TTF2: variants seen among roughly 807,000 people sequenced by gnomAD.
TTF2 encodes the protein transcription termination factor 2.
Under a neutral mutation model 142.4 loss-of-function variants are expected in TTF2, and 108 were observed. The ratio of observed to expected loss-of-function variants is 0.76; its 90% CI spans 0.65 to 0.89. The LOEUF (loss-of-function observed/expected upper bound fraction) is 0.89, where lower values mean the gene tolerates loss of function less well. Among genes scored for constraint, TTF2 ranks in the 40% least tolerant of loss-of-function variants. TTF2 has a pLI of 0.00. For synonymous variants in TTF2, 483 were observed against 506.2 expected, an observed-to-expected ratio of 0.95 and a Z score of 0.61; for missense variants, 1,327 against 1,379.8, an observed-to-expected ratio of 0.96 and a Z score of 0.61.
intron 3 of TTF2, among the ~76,000 whole-genome samples, chr1:117,071,366 A>G (rs1028358451): frequency 6.6e-6 from 1 of 152,210 alleles, no homozygotes; most frequent in Non-Finnish European, 1.5e-5. Flanking sequence ...ATGTTATTAT[A>G]GAAAAATTTT....
At position 117,106,640 on chromosome 1, in the gene TTF2, G is replaced by A. The variant is rs973254147; in HGVS notation, c.*5116G>A. ...TCAGCCATGATGCTGAGTGCTACAA[G>A]AGAGGACTGTGCGGCTGGGAGGGCT... is the stretch of plus-strand genomic sequence containing the variant. On this transcript the variant is annotated 3_prime_UTR_variant, in exon 23 of 23. Transcript: ENST00000369466. 1.3e-5 allele frequency: 2 copies of A among 152,272 alleles called. No individual in the cohort carries two copies. Among genetic ancestry groups the A allele is most frequent in the African/African-American group, 4.8e-5 (2 of 41,466 alleles). 9.4% of individuals were successfully genotyped at this position (152,272 alleles called of 1,614,324 possible). A position where few individuals can be genotyped will look rare whatever the true frequency, so the allele number is the denominator to read the frequency against.
At position 117,092,743 on chromosome 1, in the gene TTF2, A is replaced by G. The variant is rs752226907; in HGVS notation, c.2818A>G (p.Met940Val). The G allele has an allele frequency of 4.3e-6, 7 of 1,614,018 alleles. No individual in the cohort carries two copies. The highest frequency in any genetic ancestry group is 3.3e-5 in the South Asian group (3 of 91,054). The change falls in exon 18 of 23, where the codon ATG becomes GTG. Residue 940 changes from methionine (M) to valine (V), a missense_variant. Transcript: ENST00000369466. The surrounding 1 kb of genome is among the most constrained non-coding windows in gnomAD (Gnocchi z 4.4). ...TTTGTCTGTTCAGGCCCTGGATCCA[A>G]TGGAACTGAAGGGTGAAGGTCTTGT... ...LSLLKSALDP[M>V]ELKGEGLVLS...
chr1:117,068,705 C>G (rs1656351980), intron 3 of TTF2, among the ~76,000 whole-genome samples: 1 of 152,104 alleles, frequency 6.6e-6, no homozygotes, highest in South Asian at 2.1e-4. Flanking sequence ...ATTATCTAGC[C>G]CTAGTATAGT....
chr1:117,086,672 C>G lies in TTF2; in HGVS notation c.2160+150C>G. On this transcript the variant is annotated intron_variant, in intron 12 of 22. Transcript: ENST00000369466. The surrounding 1 kb of genome is among the most constrained non-coding windows in gnomAD (Gnocchi z 4.2). The stretch of plus-strand genomic sequence containing the variant: ...ATGTGGAAAGGAATTGTTCTTTCCT[C>G]TATCCCATCACCCTTATTCCAGACA... 2 of 622,836 alleles carry G rather than the reference C, an allele frequency of 3.2e-6. No homozygotes were observed. Among genetic ancestry groups the G allele is most frequent in the Non-Finnish European group, 5.8e-6 (2 of 344,732 alleles). The allele number at this position is 622,836 out of a possible 1,614,324, so 38.6% of individuals were successfully genotyped here. A position where few individuals can be genotyped will look rare whatever the true frequency, so the allele number is the denominator to read the frequency against.
intron 10 of TTF2, 62 bp from the exon 11 acceptor site, chr1:117,083,952 TAAAA>T (rs1557818390): frequency 6.3e-7 from 1 of 1,586,534 alleles, no homozygotes; most frequent in Admixed American, 1.7e-5. Flanking sequence ...CTCCATATAT[TAAAA>T]AAGAAAAGTT....
rs1041715664 is a variant in TTF2 at position 117,083,869 on chromosome 1, TGGGA to T, written c.1904-146_1904-143del. ...ATGACTCACACCTGTAATTCCACTG[TGGGA>T]GGCTAAGGCAGGAGGATCACTTGAG... On this transcript the variant is annotated intron_variant, in intron 10 of 22. Transcript: ENST00000369466. The T allele has an allele frequency of 5.7e-6, 5 of 872,802 alleles. No homozygotes were observed. The Admixed American group carries it at 7.4e-5, about 13-fold the overall frequency. 54.1% of individuals were successfully genotyped at this position (872,802 alleles called of 1,614,324 possible).
Position 117,101,598 on chromosome 1 carries a change from T to G in TTF2, c.*74T>G, listed in dbSNP as rs1421981637. The G allele has an allele frequency of 7.0e-7, 1 of 1,429,562 alleles. No individual in the cohort carries two copies. Among genetic ancestry groups the G allele is most frequent in the African/African-American group, 1.4e-5 (1 of 69,468 alleles). 88.6% of individuals were successfully genotyped at this position (1,429,562 alleles called of 1,614,324 possible). On this transcript the variant is annotated 3_prime_UTR_variant, in exon 23 of 23. Coordinates refer to ENST00000369466, the MANE Select transcript of TTF2 (RefSeq NM_003594.4). The surrounding 1 kb of genome is among the most constrained non-coding windows in gnomAD (Gnocchi z 5.9). ...GGATCTGGGAATAACAACCTAACCA[T>G]GAGCCTTGAACTCTGTTCTTTGCAT...
At position 117,103,715 on chromosome 1, in the gene TTF2, G is replaced by A. The variant is rs1649754489; in HGVS notation, c.*2191G>A. 2 of 152,242 alleles carry A rather than the reference G, an allele frequency of 1.3e-5. No homozygotes were observed. The highest frequency in any genetic ancestry group is 6.5e-5 in the Admixed American group (1 of 15,274). The allele number at this position is 152,242 out of a possible 1,614,324, so 9.4% of individuals were successfully genotyped here. On this transcript the variant is annotated 3_prime_UTR_variant, in exon 23 of 23. Coordinates refer to ENST00000369466, the MANE Select transcript of TTF2 (RefSeq NM_003594.4). ...CAGGCCTGTCATCCCAGCACTTTGG[G>A]AGGCCGAGGCAGACGGATCACGAGG...
chr1:117,072,172 A>G (rs759512934), intron 3 of TTF2, among the ~76,000 whole-genome samples: 1 of 152,190 alleles, frequency 6.6e-6, no homozygotes, highest in Admixed American at 6.5e-5. Flanking sequence ...TTGTGTGTGC[A>G]GGAACTTTCT....
rs906742295 is a variant in TTF2, at chr1:117,063,872, G to T, written c.218+1399G>T. 2.0e-5 allele frequency among the ~76,000 whole-genome samples: 3 copies of T among 152,066 alleles called. No individual in the cohort carries two copies. Among genetic ancestry groups the T allele is most frequent in the African/African-American group, 7.2e-5 (3 of 41,396 alleles). ...TTTATTGGTAAAGGTAGTTTTACTT[G>T]AACTAATTTATGTGTGTGTGTATAT... is the stretch of plus-strand genomic sequence containing the variant. On this transcript the variant is annotated intron_variant, in intron 3 of 22. Transcript: ENST00000369466. This position sits in a 1 kb window ranked among gnomAD's most constrained non-coding sequence, Gnocchi z 4.1.
In TTF2 at chr1:117,090,408, TAAGA is replaced by T; in HGVS notation, c.2497-120_2497-117del. 8.6e-7 allele frequency: 1 copy of T among 1,160,316 alleles called. No homozygotes were observed. Among genetic ancestry groups the T allele is most frequent in the Admixed American group, 2.3e-5 (1 of 43,630 alleles). The allele number at this position is 1,160,316 out of a possible 1,614,324, so 71.9% of individuals were successfully genotyped here. ...CTGTATGTTGGAGCAGTCCTGTGTC[TAAGA>T]AAGGGTGGAAGCTGCATTCCAGGGT... On this transcript the variant is annotated intron_variant, in intron 14 of 22. Coordinates refer to ENST00000369466, the MANE Select transcript of TTF2 (RefSeq NM_003594.4). The surrounding 1 kb of genome is among the most constrained non-coding windows in gnomAD (Gnocchi z 4.8).
In TTF2 at chr1:117,076,884, G is replaced by A. The variant is rs1657054714; in HGVS notation, c.1573+61G>A. Reference sequence around the variant, plus strand: ...CACCCCTGTGAGTTACGTGCCACCCGGTACAGTAGTCACCTCTTATCCACA... The same window carrying A: ...CACCCCTGTGAGTTACGTGCCACCCAGTACAGTAGTCACCTCTTATCCACA... On this transcript the variant is annotated intron_variant, in intron 7 of 22. Transcript: ENST00000369466. This position sits in a 1 kb window ranked among gnomAD's most constrained non-coding sequence, Gnocchi z 4.6. The A allele has an allele frequency of 1.1e-5, 16 of 1,471,900 alleles. No homozygotes were observed. Among genetic ancestry groups the A allele is most frequent in the South Asian group, 4.0e-5 (3 of 74,204 alleles). The allele number at this position is 1,471,900 out of a possible 1,614,324, so 91.2% of individuals were successfully genotyped here. A position where few individuals can be genotyped will look rare whatever the true frequency, so the allele number is the denominator to read the frequency against.
rs770212786 is a variant in TTF2, at chr1:117,091,970, T to G, written c.2805+20T>G. ...AAGTCGGTAAGAAAAGCCCTCAGCC[T>G]GCTGTCATATAGTGCTCCAGAGGGG... On this transcript the variant is annotated intron_variant, in intron 17 of 22. Transcript: ENST00000369466. The G allele has an allele frequency of 6.2e-6, 10 of 1,609,224 alleles. No individual in the cohort carries two copies. The highest frequency in any genetic ancestry group is 8.5e-6 in the Non-Finnish European group (10 of 1,178,654).
Position 117,060,393 on chromosome 1 carries a change from A to G in TTF2, c.28+19A>G. The stretch of plus-strand genomic sequence containing the variant: ...GAGCACGGTAAGGGGCTAGGGTCTC[A>G]GCGTCCCGGGGCCTGTTGATTTAGC... On this transcript the variant is annotated intron_variant, in intron 1 of 22. Transcript: ENST00000369466. 1 of 1,608,016 alleles carries G rather than the reference A, an allele frequency of 6.2e-7. No individual in the cohort carries two copies. Among genetic ancestry groups the G allele is most frequent in the Non-Finnish European group, 8.5e-7 (1 of 1,176,248 alleles).
chr1:117,075,832 C>T lies in TTF2; in HGVS notation c.1248C>T (p.Tyr416=), dbSNP rs1038111268. 4.3e-6 allele frequency: 7 copies of T among 1,609,476 alleles called. No homozygotes were observed. The highest frequency in any genetic ancestry group is 5.9e-6 in the Non-Finnish European group (7 of 1,178,528). The change falls in exon 5 of 23, where the codon TAC becomes TAT. Residue 416 remains tyrosine (Y), a synonymous_variant. Transcript: ENST00000369466. This position sits in a 1 kb window ranked among gnomAD's most constrained non-coding sequence, Gnocchi z 4.5. ...CAGACCCAGTAGCCCGGCGTGTCTA[C>T]CTTACAACACAACTGAAACAAAAGA... is the stretch of plus-strand genomic sequence containing the variant. ...EPSDPVARRV[Y]LTTQLKQKKS...
In TTF2 at chr1:117,084,119, C is replaced by T. The variant is rs1246569789; in HGVS notation, c.2005C>T (p.Leu669=). 1.2e-6 allele frequency: 2 copies of T among 1,614,184 alleles called. No homozygotes were observed. Among genetic ancestry groups the T allele is most frequent in the Non-Finnish European group, 1.7e-6 (2 of 1,180,042 alleles). The change falls in exon 11 of 23, where the codon CTA becomes TTA. Residue 669 remains leucine (L), a synonymous_variant. Transcript: ENST00000369466. The part of the protein sequence containing the change: ...EVEKRVNSNK[L]RVYLYHGPNR... ...GGAGAAACGGGTGAACAGCAACAAA[C>T]TAAGAGTCTATCTCTACCATGGGCC...
chr1:117,092,615 GACA>G lies in TTF2; in HGVS notation c.2806-114_2806-112del. On this transcript the variant is annotated intron_variant, in intron 17 of 22. Coordinates refer to ENST00000369466, the MANE Select transcript of TTF2 (RefSeq NM_003594.4). The surrounding 1 kb of genome is among the most constrained non-coding windows in gnomAD (Gnocchi z 4.4). Reference sequence around the variant, plus strand: ...CAAGGTGTCTTGAGGAGTTACTGATGACAAATTACAAGATATTTTGCTCTGTGA... The same window carrying G: ...CAAGGTGTCTTGAGGAGTTACTGATGAATTACAAGATATTTTGCTCTGTGA... 8.4e-7 allele frequency: 1 copy of G among 1,195,052 alleles called. No homozygotes were observed. Among genetic ancestry groups the G allele is most frequent in the Non-Finnish European group, 1.2e-6 (1 of 859,356 alleles). 74.0% of individuals were successfully genotyped at this position (1,195,052 alleles called of 1,614,324 possible). A position where few individuals can be genotyped will look rare whatever the true frequency, so the allele number is the denominator to read the frequency against.
rs912792991 is a variant in TTF2 at position 117,104,043 on chromosome 1, C to T, written c.*2519C>T. The T allele has an allele frequency of 2.2e-4, 33 of 151,266 alleles. No homozygotes were observed. The highest frequency in any genetic ancestry group is 6.6e-4 in the African/African-American group (27 of 41,162). The allele number at this position is 151,266 out of a possible 1,614,324, so 9.4% of individuals were successfully genotyped here. A position where few individuals can be genotyped will look rare whatever the true frequency, so the allele number is the denominator to read the frequency against. Reference sequence around the variant, plus strand: ...TTTGTAAGGTGGGCAGTTTTCAGAACTTAGCAGCAATAAGGTTTCTGATAA... The same window carrying T: ...TTTGTAAGGTGGGCAGTTTTCAGAATTTAGCAGCAATAAGGTTTCTGATAA... On this transcript the variant is annotated 3_prime_UTR_variant, in exon 23 of 23. Transcript: ENST00000369466.
At position 117,099,746 on chromosome 1, in the gene TTF2, C is replaced by G. The variant is rs1273614673; in HGVS notation, c.3344+839C>G. Among the ~76,000 whole-genome samples, 1 of 152,188 alleles carries G rather than the reference C, an allele frequency of 6.6e-6. No homozygotes were observed. The highest frequency in any genetic ancestry group is 2.4e-5 in the African/African-American group (1 of 41,444). On this transcript the variant is annotated intron_variant, in intron 22 of 22. Transcript: ENST00000369466. The surrounding 1 kb of genome is among the most constrained non-coding windows in gnomAD (Gnocchi z 4.3). ...TTCCTGAAGAATTAGGAATCACTGC[C>G]TATCTTTACTTGATTACTTCCCATT...
Sources: allele counts gnomAD v4.1 joint callset (sites outside exome capture counted in the v4.1 genomes callset), GRCh38; gene constraint gnomAD v4.1.1; non-coding constraint Gnocchi (gnomAD v3.1); transcripts MANE v1.5; gene names NCBI Gene and HGNC (gene_info 2026-07-23, HGNC 2026-07-21).